The following SORCS3 variants were observed in gnomAD, a reference collection of about 807,000 sequenced individuals.
The protein encoded by SORCS3 is sortilin related VPS10 domain containing receptor 3.
In SORCS3, 57 loss-of-function variants were observed where a neutral mutation model predicts 146.3. That is an observed-to-expected ratio of 0.39 (90% CI 0.31 to 0.49). SORCS3 has a LOEUF of 0.49. Ranked by LOEUF, SORCS3 falls within the 20% of genes least tolerant of loss-of-function variation. SORCS3 has a pLI of 0.92. For missense variants in SORCS3, 1,341 were observed against 1,575.5 expected (o/e 0.85, Z 2.52); for synonymous variants, 653 against 618.5 (o/e 1.06, Z -0.83).
intron 4 of SORCS3, among the ~76,000 whole-genome samples, chr10:105,009,547 AAAAAC>A: frequency 1.3e-5 from 2 of 150,538 alleles, no homozygotes; most frequent in South Asian, 4.2e-4. Flanking sequence ...AAAAAAAAAA[AAAAAC>A]CCCAAAAACT....
intron 4 of SORCS3, among the ~76,000 whole-genome samples, chr10:105,034,326 C>T (rs1053203493): frequency 3.3e-5 from 5 of 152,014 alleles, no homozygotes; most frequent in African/African-American, 1.2e-4. Flanking sequence ...GAGGGAGTAG[C>T]ATGTGCAAAA....
intron 5 of SORCS3, among the ~76,000 whole-genome samples, chr10:105,059,389 A>G (rs960724875): frequency 6.6e-6 from 1 of 152,166 alleles, no homozygotes; most frequent in Non-Finnish European, 1.5e-5. Flanking sequence ...TAACTGTAAA[A>G]TGCTATATTG....
chr10:104,747,503 C>G (rs557080124), intron 1 of SORCS3, among the ~76,000 whole-genome samples: 2 of 152,120 alleles, frequency 1.3e-5, no homozygotes, highest in Admixed American at 6.5e-5. Context: ...ACTTCCAATA[C>G]GCTGAGAAAT....
At position 105,249,768 on chromosome 10, in the gene SORCS3, C is replaced by A. The variant is rs368490863; in HGVS notation, c.3105+2437C>A. 4.8e-4 allele frequency among the ~76,000 whole-genome samples: 73 copies of A among 152,058 alleles called. No individual in the cohort carries two copies. In the South Asian group the frequency reaches 0.015, roughly 32 times the overall value. Reference sequence around the variant, plus strand: ...GGGCATGGTGGTGCATGCTGGTAGTCCCAGCTACTCAGGAGGCTGAGGCAG... The same window carrying A: ...GGGCATGGTGGTGCATGCTGGTAGTACCAGCTACTCAGGAGGCTGAGGCAG... On this transcript the variant is annotated intron_variant, in intron 22 of 26. Coordinates refer to ENST00000369701, the MANE Select transcript of SORCS3 (RefSeq NM_014978.3).
At chr10:105,224,637 T>C (rs2119674618) in intron 20 of SORCS3, among the ~76,000 whole-genome samples, 1 of 152,318 alleles carries the variant, frequency 6.6e-6, no homozygotes, top group African/African-American at 2.4e-5. Flanking sequence ...GGTAGCAATA[T>C]GTTTGGTTTT....
At chr10:104,882,667 C>T (rs908673816) in intron 2 of SORCS3, among the ~76,000 whole-genome samples, 2 of 152,064 alleles carry the variant, frequency 1.3e-5, no homozygotes, top group African/African-American at 4.8e-5. Context: ...GATGGCCACT[C>T]CTATACCCAT....
At chr10:105,196,043 G>A (rs536010443) in intron 14 of SORCS3, among the ~76,000 whole-genome samples, 12 of 133,358 alleles carry the variant, frequency 9.0e-5, no homozygotes, top group South Asian at 5.6e-4. Flanking sequence ...TTGCAAAACA[G>A]AACAATCGAA....
chr10:104,708,025 T>C (rs572462979), intron 1 of SORCS3, among the ~76,000 whole-genome samples: 2 of 152,312 alleles, frequency 1.3e-5, no homozygotes, highest in South Asian at 4.1e-4. Flanking sequence ...AATAGAACAA[T>C]GAAGTGTTGA....
At position 104,849,334 on chromosome 10, in the gene SORCS3, C is replaced by T. The variant is rs779448234; in HGVS notation, c.695+6475C>T. On this transcript the variant is annotated intron_variant, in intron 2 of 26. Coordinates refer to ENST00000369701, the MANE Select transcript of SORCS3 (RefSeq NM_014978.3). ...GGCTGAGGCAGGAGAATCACTTGAA[C>T]GCGGGAAGCGGAGGTTGTAGTGAGC... Among the ~76,000 whole-genome samples, 8 of 140,196 alleles carry T rather than the reference C, an allele frequency of 5.7e-5. No homozygotes were observed. The South Asian group carries it at 1.6e-3, about 28-fold the overall frequency. The allele number at this position is 140,196 out of a possible 152,430, so 92.0% of individuals were successfully genotyped here. A position where few individuals can be genotyped will look rare whatever the true frequency, so the allele number is the denominator to read the frequency against.
Position 104,843,617 on chromosome 10 carries a change from T to G in SORCS3, c.695+758T>G, listed in dbSNP as rs531431618. Reference sequence around the variant, plus strand: ...CACACAGGACGAGGGAGAAGAGGGATGTGGGTGAGTGAAGTTAGAGAGAAC... The same window carrying G: ...CACACAGGACGAGGGAGAAGAGGGAGGTGGGTGAGTGAAGTTAGAGAGAAC... On this transcript the variant is annotated intron_variant, in intron 2 of 26. Transcript: ENST00000369701. Among the ~76,000 whole-genome samples the G allele has an allele frequency of 2.6e-5, 4 of 152,254 alleles. No homozygotes were observed. In the East Asian group the frequency reaches 7.7e-4, roughly 29 times the overall value.
chr10:104,924,712 A>G (rs2019121866), intron 3 of SORCS3, among the ~76,000 whole-genome samples: 1 of 152,194 alleles, frequency 6.6e-6, no homozygotes, highest in African/African-American at 2.4e-5. Flanking sequence ...CTGAGAAGTC[A>G]TTTAAATTCT....
intron 2 of SORCS3, among the ~76,000 whole-genome samples, chr10:104,860,589 G>GA (rs898445848): frequency 6.6e-6 from 1 of 151,614 alleles, no homozygotes; most frequent in East Asian, 1.9e-4. Context: ...AAACAGAAAA[G>GA]AAAAAAAATG....
At chr10:104,705,325 C>G (rs1405739885) in intron 1 of SORCS3, among the ~76,000 whole-genome samples, 1 of 149,276 alleles carries the variant, frequency 6.7e-6, no homozygotes, top group Non-Finnish European at 1.5e-5. Flanking sequence ...ATTTCCAGTG[C>G]CCGATTTTTT....
chr10:104,968,557 A>G (rs2054840594), intron 3 of SORCS3, among the ~76,000 whole-genome samples: 1 of 152,192 alleles, frequency 6.6e-6, no homozygotes, highest in Non-Finnish European at 1.5e-5. Flanking sequence ...ACGTATACCC[A>G]CTGCAGTTCT....
chr10:105,027,700 C>A (rs2055240013), intron 4 of SORCS3, among the ~76,000 whole-genome samples: 5 of 152,198 alleles, frequency 3.3e-5, no homozygotes. Context: ...ATGCTGTCCA[C>A]AAGTGTCCTT....
At chr10:104,646,678 G>C (rs1269891972) in intron 1 of SORCS3, among the ~76,000 whole-genome samples, 1 of 152,142 alleles carries the variant, frequency 6.6e-6, no homozygotes, top group East Asian at 1.9e-4. Flanking sequence ...TGGCCTCTTG[G>C]CTGGTTTGAG....
chr10:105,161,698 G>A (rs1007894299), intron 11 of SORCS3, among the ~76,000 whole-genome samples: 6 of 152,146 alleles, frequency 3.9e-5, no homozygotes, highest in African/African-American at 1.4e-4. Context: ...GTGCCTTACA[G>A]CATCCAAAGC....
intron 7 of SORCS3, among the ~76,000 whole-genome samples, chr10:105,122,003 C>T (rs1304683212): frequency 6.6e-6 from 1 of 152,126 alleles, no homozygotes; most frequent in Non-Finnish European, 1.5e-5. Context: ...CACTGAGTCT[C>T]CCCATTTTCC....
At chr10:105,208,107 T>A (rs192367131) in intron 16 of SORCS3, among the ~76,000 whole-genome samples, 4 of 152,040 alleles carry the variant, frequency 2.6e-5, no homozygotes, top group Non-Finnish European at 5.9e-5. Flanking sequence ...TTTGGGAGGC[T>A]GAGGTGGGCA....
Sources: gnomAD v4.1 joint callset for allele counts (sites outside exome capture counted in the v4.1 genomes callset) on GRCh38, gnomAD v4.1.1 for gene constraint, MANE v1.5 for transcripts, NCBI Gene and HGNC (gene_info 2026-07-23, HGNC 2026-07-21) for gene names.